The following PDE8A variants were observed in gnomAD, a reference collection of about 807,000 sequenced individuals.
The protein encoded by PDE8A is phosphodiesterase 8A.
PDE8A carries 59 observed loss-of-function variants against 105.0 expected under a neutral mutation model. The ratio of observed to expected loss-of-function variants is 0.56; its 90% CI spans 0.46 to 0.70. The LOEUF (loss-of-function observed/expected upper bound fraction) is 0.70, where lower values mean the gene tolerates loss of function less well. Among genes scored for constraint, PDE8A ranks in the 30% least tolerant of loss-of-function variants. The pLI, the probability that PDE8A is intolerant of heterozygous loss-of-function variation, is 0.00. For missense variants in PDE8A, 1,014 were observed against 1,045.9 expected, an observed-to-expected ratio of 0.97 and a Z score of 0.42; for synonymous variants, 355 against 371.9, an observed-to-expected ratio of 0.95 and a Z score of 0.52.
rs749926425 is a variant in PDE8A at position 85,116,128 on chromosome 15, A to G, written c.1535+9A>G. The G allele has an allele frequency of 4.5e-5, 73 of 1,613,472 alleles. No homozygotes were observed. Among genetic ancestry groups the G allele is most frequent in the Non-Finnish European group, 4.8e-5 (57 of 1,179,588 alleles). Reference sequence around the variant, plus strand: ...GCTGCCACCCACAATAGGTGAGTTCATGCAGAGCTCAGCAGCGGGAGAACT... The same window carrying G: ...GCTGCCACCCACAATAGGTGAGTTCGTGCAGAGCTCAGCAGCGGGAGAACT... On this transcript the variant is annotated intron_variant, in intron 16 of 21. Transcript: ENST00000394553.
intron 1 of PDE8A, among the ~76,000 whole-genome samples, chr15:85,020,425 G>A (rs2080405815): frequency 6.6e-6 from 1 of 152,062 alleles, no homozygotes; most frequent in African/African-American, 2.4e-5. Context: ...CCAACACGGC[G>A]AAACCCTGTC....
At chr15:84,987,465 C>CTCTT (rs71466068) in intron 1 of PDE8A, among the ~76,000 whole-genome samples, 2 of 92,468 alleles carry the variant, frequency 2.2e-5, no homozygotes, top group African/African-American at 1.0e-4. Flanking sequence ...GGATTGGTTC[C>CTCTT]TTTTTTTTTT....
intron 11 of PDE8A, 112 bp downstream of exon 11, chr15:85,100,310 T>C: frequency 1.1e-6 from 1 of 919,180 alleles, no homozygotes; most frequent in Non-Finnish European, 1.7e-6. Context: ...CCTCAGACTG[T>C]GGCAACATTT....
Position 85,016,445 on chromosome 15 carries a change from A to C in PDE8A, c.186+34097A>C, listed in dbSNP as rs537697460. Among the ~76,000 whole-genome samples the C allele has an allele frequency of 1.1e-4, 16 of 152,248 alleles. No homozygotes were observed. The South Asian group carries it at 3.3e-3, about 32-fold the overall frequency. On this transcript the variant is annotated intron_variant, in intron 1 of 21. Transcript: ENST00000394553. ...CACCACTTATTTTGTTCATTCCCCC[A>C]CACTAATTTGAGATAAATTCCATTC...
At chr15:84,993,378 G>GT (rs528253460) in intron 1 of PDE8A, among the ~76,000 whole-genome samples, 30 of 134,284 alleles carry the variant, frequency 2.2e-4, no homozygotes, top group African/African-American at 6.9e-4. Context: ...AGGAGGCAGA[G>GT]TTTGTAGTGA....
Position 85,097,604 on chromosome 15 carries a change from G to A in PDE8A, c.853-344G>A, listed in dbSNP as rs1397533233. Among the ~76,000 whole-genome samples the A allele has an allele frequency of 2.6e-5, 4 of 152,190 alleles. No individual in the cohort carries two copies. The East Asian group carries it at 5.8e-4, about 22-fold the overall frequency. ...TTCCCCTCCCAAACACAGGGGCAGAGGCTAAGCCCCCTCTTCCACTTCAGC... is the reference window on the plus strand; with the variant it reads ...TTCCCCTCCCAAACACAGGGGCAGAAGCTAAGCCCCCTCTTCCACTTCAGC... On this transcript the variant is annotated intron_variant, in intron 8 of 21. Transcript: ENST00000394553.
intron 17 of PDE8A, chr15:85,120,056 C>CTGCACACATATG (rs1202592042): frequency 6.7e-6 from 1 of 148,788 alleles, no homozygotes; most frequent in African/African-American, 2.6e-5. Context: ...AATAGAAGTA[C>CTGCACACATATG]TGCACACATA....
intron 7 of PDE8A, chr15:85,090,813 G>A (rs1302165714): frequency 1.7e-6 from 1 of 583,660 alleles, no homozygotes; most frequent in South Asian, 1.5e-5. Context: ...GGAGCCTCAG[G>A]AGAACATAGC....
At chr15:85,079,050 C>G (rs1427682709) in intron 5 of PDE8A, among the ~76,000 whole-genome samples, 1 of 151,970 alleles carries the variant, frequency 6.6e-6, no homozygotes, top group Admixed American at 6.6e-5. Flanking sequence ...AGCTATAAAC[C>G]CTGCCATGTG....
chr15:85,089,764 T>C (rs2081611752), intron 7 of PDE8A, among the ~76,000 whole-genome samples: 1 of 152,212 alleles, frequency 6.6e-6, no homozygotes, highest in Non-Finnish European at 1.5e-5. Flanking sequence ...GCCCTGACCA[T>C]AGGTCTGCAA....
rs546194907 is a variant in PDE8A at position 85,119,468 on chromosome 15, C to CAAAAAAAAAAAAAACAAAAAAAA, written c.1735-1316_1735-1315insACAAAAAAAAAAAAAAAAAAAAA. Among the ~76,000 whole-genome samples the CAAAAAAAAAAAAAACAAAAAAAA allele has an allele frequency of 3.4e-5, 2 of 58,574 alleles. 1 individual carries two copies. Among genetic ancestry groups the CAAAAAAAAAAAAAACAAAAAAAA allele is most frequent in the Non-Finnish European group, 6.2e-5 (2 of 32,034 alleles). The allele number at this position is 58,574 out of a possible 152,430, so 38.4% of individuals were successfully genotyped here. A position where few individuals can be genotyped will look rare whatever the true frequency, so the allele number is the denominator to read the frequency against. ...GGGTGACAGAGCAAGACTCTCGTCTCAAAAAAAAAAAAACATTTATTGAAA... is the reference window on the plus strand; with the variant it reads ...GGGTGACAGAGCAAGACTCTCGTCTCAAAAAAAAAAAAAACAAAAAAAAAAAAAAAAAAAAACATTTATTGAAA... On this transcript the variant is annotated intron_variant, in intron 17 of 21. Transcript: ENST00000394553.
At chr15:85,086,966 T>G (rs10852130) in intron 6 of PDE8A, among the ~76,000 whole-genome samples, 68,840 of 151,246 alleles carry the variant, frequency 0.46, 15,731 homozygotes, top group Middle Eastern at 0.54. Context: ...GTTTCACCAT[T>G]TTGGTCAGGC....
chr15:85,110,357 C>G (rs2082003498), intron 12 of PDE8A, among the ~76,000 whole-genome samples: 1 of 152,150 alleles, frequency 6.6e-6, no homozygotes, highest in South Asian at 2.1e-4. Flanking sequence ...AATTTATATA[C>G]AATGAAATTC....
chr15:85,084,959 T>A (rs1400051302), intron 6 of PDE8A, among the ~76,000 whole-genome samples: 1 of 152,242 alleles, frequency 6.6e-6, no homozygotes, highest in African/African-American at 2.4e-5. Flanking sequence ...CTACTGCTAC[T>A]CTTAGTCTAG....
At chr15:85,019,039 T>C (rs1242576787) in intron 1 of PDE8A, among the ~76,000 whole-genome samples, 2 of 152,014 alleles carry the variant, frequency 1.3e-5, no homozygotes, top group Non-Finnish European at 2.9e-5. Context: ...ACTTGGGAGG[T>C]GTAGTTGGTC....
At chr15:85,103,725 T>C (rs1474079129) in intron 11 of PDE8A, among the ~76,000 whole-genome samples, 1 of 152,210 alleles carries the variant, frequency 6.6e-6, no homozygotes, top group African/African-American at 2.4e-5. Flanking sequence ...AGGAGCACTG[T>C]GCTTAGGGGG....
intron 1 of PDE8A, among the ~76,000 whole-genome samples, chr15:84,995,692 G>A (rs911384468): frequency 6.6e-6 from 1 of 152,100 alleles, no homozygotes; most frequent in African/African-American, 2.4e-5. Context: ...TCATGTCTCA[G>A]TAGTTCATAA....
intron 1 of PDE8A, among the ~76,000 whole-genome samples, chr15:85,039,793 A>G (rs1363915337): frequency 6.6e-6 from 1 of 152,252 alleles, no homozygotes; most frequent in East Asian, 1.9e-4. Context: ...TTGTGACAAC[A>G]TGGATAAACT....
chr15:85,054,785 A>G (rs2081034094), intron 1 of PDE8A, among the ~76,000 whole-genome samples: 1 of 151,970 alleles, frequency 6.6e-6, no homozygotes, highest in Non-Finnish European at 1.5e-5. Flanking sequence ...TGATTTTTTG[A>G]AGAGTTTTTT....
Sources: gnomAD v4.1 joint callset for allele counts (sites outside exome capture counted in the v4.1 genomes callset) on GRCh38, gnomAD v4.1.1 for gene constraint, MANE v1.5 for transcripts, NCBI Gene and HGNC (gene_info 2026-07-23, HGNC 2026-07-21) for gene names.